EFNA5: variants seen among roughly 807,000 people sequenced by gnomAD.
The protein encoded by EFNA5 is ephrin-A5.
Under a neutral mutation model 22.9 loss-of-function variants are expected in EFNA5, and 5 were observed. The observed-to-expected ratio is 0.22, with a 90% CI of 0.11 to 0.46. The LOEUF is 0.46. EFNA5 is among the 20% of genes least tolerant of loss of function. EFNA5 has a pLI of 0.99. For synonymous variants in EFNA5, 113 were observed against 112.2 expected (o/e 1.01, Z -0.04); for missense variants, 237 against 293.3 (o/e 0.81, Z 1.40).
chr5:107,438,786 C>T (rs1379526728), intron 1 of EFNA5, among the ~76,000 whole-genome samples: 5 of 152,162 alleles, frequency 3.3e-5, no homozygotes. Flanking sequence ...GGTTAGAAAT[C>T]TCTCCTTCCA....
chr5:107,652,177 G>C (rs1333165363), intron 1 of EFNA5, among the ~76,000 whole-genome samples: 1 of 152,082 alleles, frequency 6.6e-6, no homozygotes, highest in East Asian at 1.9e-4. Context: ...CATGCTGCAG[G>C]TACTTTCACT....
At chr5:107,617,240 A>G (rs1188099889) in intron 1 of EFNA5, among the ~76,000 whole-genome samples, 2 of 146,312 alleles carry the variant, frequency 1.4e-5, no homozygotes, top group Admixed American at 1.4e-4. Flanking sequence ...ACACACACAG[A>G]GAGAGAGAGA....
chr5:107,496,164 T>TAAAAAAAAAAAAAAAAA (rs35565454), intron 1 of EFNA5, among the ~76,000 whole-genome samples: 1 of 93,196 alleles, frequency 1.1e-5, no homozygotes, highest in Non-Finnish European at 2.1e-5. Flanking sequence ...CTGTCTCTGC[T>TAAAAAAAAAAAAAAAAA]AAAAAAAAAA....
rs1490659415 is a variant in EFNA5 at position 107,381,192 on chromosome 5, G to T, written c.*63C>A. The T allele has an allele frequency of 6.5e-7, 1 of 1,549,638 alleles. No homozygotes were observed. The highest frequency in any genetic ancestry group is 1.2e-5 in the South Asian group (1 of 83,994). On this transcript the variant is annotated 3_prime_UTR_variant, in exon 5 of 5. Transcript: ENST00000333274. Reference sequence around the variant, plus strand: ...AGTCCCTTCTTAGGATGAGCAGTTAGGTGGATCTCTGGTGTTCCAAGACCC... The same window carrying T: ...AGTCCCTTCTTAGGATGAGCAGTTATGTGGATCTCTGGTGTTCCAAGACCC...
intron 1 of EFNA5, among the ~76,000 whole-genome samples, chr5:107,474,658 G>A (rs889225632): frequency 9.2e-5 from 14 of 152,030 alleles, no homozygotes; most frequent in African/African-American, 3.1e-4. Context: ...GTATCTTTAG[G>A]CCACTAACTT....
chr5:107,544,819 G>A (rs1348656045), intron 1 of EFNA5, among the ~76,000 whole-genome samples: 3 of 151,998 alleles, frequency 2.0e-5, no homozygotes, highest in South Asian at 4.2e-4. Context: ...ACAATGCTTG[G>A]CATATTTTAA....
intron 1 of EFNA5, among the ~76,000 whole-genome samples, chr5:107,494,396 C>T (rs1350364799): frequency 2.0e-5 from 3 of 152,240 alleles, no homozygotes; most frequent in Non-Finnish European, 4.4e-5. Flanking sequence ...AGGCCAGCGG[C>T]TGCGGAGGGT....
intron 2 of EFNA5, among the ~76,000 whole-genome samples, chr5:107,398,443 G>A (rs1246579855): frequency 1.3e-5 from 2 of 152,066 alleles, no homozygotes; most frequent in East Asian, 1.9e-4. Flanking sequence ...CCAAAGGCAG[G>A]AGCCATGCCA....
At chr5:107,402,604 C>T (rs17159898) in intron 2 of EFNA5, among the ~76,000 whole-genome samples, 2,745 of 152,276 alleles carry the variant, frequency 0.018, 80 homozygotes, top group African/African-American at 0.062. Context: ...TATGTGCTGA[C>T]AGCAAGGTAA....
At chr5:107,409,500 C>T (rs17159919) in intron 2 of EFNA5, among the ~76,000 whole-genome samples, 4,185 of 152,236 alleles carry the variant, frequency 0.027, 202 homozygotes, top group African/African-American at 0.095. Flanking sequence ...ACTGGCTAGT[C>T]ATTCCTTGCA....
chr5:107,484,924 T>C (rs1746555764), intron 1 of EFNA5, among the ~76,000 whole-genome samples: 1 of 145,734 alleles, frequency 6.9e-6, no homozygotes, highest in Admixed American at 6.8e-5. Context: ...AAACAAGAAG[T>C]AGAAAATTGG....
At chr5:107,575,534 A>G (rs1241918417) in intron 1 of EFNA5, among the ~76,000 whole-genome samples, 1 of 152,080 alleles carries the variant, frequency 6.6e-6, no homozygotes, top group Non-Finnish European at 1.5e-5. Context: ...GTTTTTATTA[A>G]CATTTTCTCA....
At chr5:107,466,267 A>G (rs1749978213) in intron 1 of EFNA5, among the ~76,000 whole-genome samples, 1 of 152,150 alleles carries the variant, frequency 6.6e-6, no homozygotes, top group Non-Finnish European at 1.5e-5. Context: ...GTGTTAAGCC[A>G]TGATGTGTCA....
At chr5:107,605,008 ACTAGTTAAAC>A (rs1391591388) in intron 1 of EFNA5, among the ~76,000 whole-genome samples, 1 of 152,138 alleles carries the variant, frequency 6.6e-6, no homozygotes, top group African/African-American at 2.4e-5. Context: ...AGTGGCCTAA[ACTAGTTAAAC>A]TAGTTGATTC....
At chr5:107,414,454 C>A (rs1748453276) in intron 2 of EFNA5, among the ~76,000 whole-genome samples, 1 of 152,108 alleles carries the variant, frequency 6.6e-6, no homozygotes, top group Non-Finnish European at 1.5e-5. Context: ...GGACAAAAAT[C>A]ATATTGAATA....
chr5:107,421,322 CAA>C (rs1748659645), intron 2 of EFNA5, among the ~76,000 whole-genome samples: 1 of 152,138 alleles, frequency 6.6e-6, no homozygotes, highest in Non-Finnish European at 1.5e-5. Flanking sequence ...TCAGATATAA[CAA>C]ATGCTGGAAA....
intron 1 of EFNA5, among the ~76,000 whole-genome samples, chr5:107,613,582 GC>G (rs1384874555): frequency 6.6e-6 from 1 of 152,078 alleles, no homozygotes; most frequent in African/African-American, 2.4e-5. Context: ...TTGATTGATA[GC>G]TTTTTAAACA....
intron 1 of EFNA5, among the ~76,000 whole-genome samples, chr5:107,459,747 C>T (rs1242573385): frequency 6.6e-6 from 1 of 152,106 alleles, no homozygotes; most frequent in African/African-American, 2.4e-5. Flanking sequence ...AAGAAAATTC[C>T]TAGCTTCAAG....
intron 1 of EFNA5, among the ~76,000 whole-genome samples, chr5:107,639,376 G>T (rs763473554): frequency 1.3e-5 from 2 of 152,124 alleles, no homozygotes; most frequent in East Asian, 3.9e-4. Context: ...CAACTTCCAC[G>T]GTTCATAATT....
Sources: allele counts gnomAD v4.1 joint callset (sites outside exome capture counted in the v4.1 genomes callset), GRCh38; gene constraint gnomAD v4.1.1; transcripts MANE v1.5; gene names NCBI Gene and HGNC (gene_info 2026-07-23, HGNC 2026-07-21).